RARB: variants seen among roughly 807,000 people sequenced by gnomAD.
RARB encodes retinoic acid receptor beta.
RARB carries 17 observed loss-of-function variants against 51.9 expected under a neutral mutation model. The ratio of observed to expected loss-of-function variants is 0.33; its 90% CI spans 0.22 to 0.49. RARB has a LOEUF of 0.49. Among genes scored for constraint, RARB ranks in the 20% least tolerant of loss-of-function variants. The pLI is 0.99. For missense variants in RARB, 369 were observed against 550.8 expected (o/e 0.67, Z 3.30); for synonymous variants, 215 against 195.4 (o/e 1.10, Z -0.84).
chr3:25,152,658 C>A (rs897635947), intron 4 of RARB, among the ~76,000 whole-genome samples: 1 of 152,048 alleles, frequency 6.6e-6, no homozygotes, highest in South Asian at 2.1e-4. Flanking sequence ...CACAGTAATA[C>A]AACCAGCCTG....
chr3:25,114,526 A>G (rs1210610643), intron 3 of RARB, among the ~76,000 whole-genome samples: 1 of 152,218 alleles, frequency 6.6e-6, no homozygotes, highest in Non-Finnish European at 1.5e-5. Flanking sequence ...TACCGATTGT[A>G]AGAAAAACTT....
At chr3:25,449,252 C>G (rs1228934878) in intron 1 of RARB, among the ~76,000 whole-genome samples, 1 of 152,042 alleles carries the variant, frequency 6.6e-6, no homozygotes, top group East Asian at 1.9e-4. Context: ...CTGCCATTCT[C>G]CCTGCTGAGG....
chr3:25,155,481 C>T (rs1057226940), intron 4 of RARB, among the ~76,000 whole-genome samples: 5 of 152,104 alleles, frequency 3.3e-5, no homozygotes, highest in African/African-American at 1.2e-4. Flanking sequence ...ATAAACTATC[C>T]GTTTATGAAA....
rs536914934 is a variant in RARB, at chr3:25,381,904, T to C, written c.179-79289T>C. On this transcript the variant is annotated intron_variant, in intron 5 of 11. Transcript: ENST00000383772. ...CACTGTGGTGTGGATATCCCCTCTC[T>C]ACTCTCAAGCTGCATTCAGAATATA... is the stretch of plus-strand genomic sequence containing the variant. 3.3e-5 allele frequency among the ~76,000 whole-genome samples: 5 copies of C among 152,292 alleles called. No individual in the cohort carries two copies. In the South Asian group the frequency reaches 1.0e-3, roughly 32 times the overall value.
At chr3:25,377,231 G>C (rs577526572) in intron 5 of RARB, among the ~76,000 whole-genome samples, 1 of 152,118 alleles carries the variant, frequency 6.6e-6, no homozygotes, top group Non-Finnish European at 1.5e-5. Context: ...GGTATTCCTG[G>C]ACTTTGTCTA....
intron 2 of RARB, among the ~76,000 whole-genome samples, chr3:24,989,061 G>T (rs1696856379): frequency 6.6e-6 from 1 of 151,980 alleles, no homozygotes; most frequent in African/African-American, 2.4e-5. Flanking sequence ...CCTGACCTTT[G>T]GTAATCTGCC....
chr3:25,591,027 A>C (rs1304842433), intron 5 of RARB, among the ~76,000 whole-genome samples: 1 of 152,208 alleles, frequency 6.6e-6, no homozygotes, highest in Non-Finnish European at 1.5e-5. Context: ...TTCATACCCC[A>C]TCAGTTACCA....
At chr3:24,994,635 C>T (rs1365300532) in intron 2 of RARB, among the ~76,000 whole-genome samples, 1 of 151,946 alleles carries the variant, frequency 6.6e-6, no homozygotes, top group Non-Finnish European at 1.5e-5. Context: ...TCGGGTACCA[C>T]ATGTAGGTAT....
chr3:25,320,994 G>A (rs963166044), intron 5 of RARB, among the ~76,000 whole-genome samples: 11 of 152,128 alleles, frequency 7.2e-5, no homozygotes, highest in Admixed American at 7.2e-4. Context: ...ATCCTTCTTT[G>A]AATTATAGGC....
chr3:25,188,742 G>GT (rs1290515378), intron 5 of RARB, among the ~76,000 whole-genome samples: 1 of 61,516 alleles, frequency 1.6e-5, no homozygotes, highest in East Asian at 4.7e-4. Context: ...ACATCATCTT[G>GT]TTTTTTACCC....
At chr3:25,215,306 T>G (rs1441597637) in intron 5 of RARB, among the ~76,000 whole-genome samples, 1 of 152,188 alleles carries the variant, frequency 6.6e-6, no homozygotes, top group Non-Finnish European at 1.5e-5. Context: ...TAATGTGACT[T>G]TTTTTTAAGA....
At chr3:25,292,674 T>C (rs1294083667) in intron 5 of RARB, among the ~76,000 whole-genome samples, 2 of 152,096 alleles carry the variant, frequency 1.3e-5, no homozygotes, top group African/African-American at 4.8e-5. Context: ...GAAACCAAAG[T>C]CTCCAGAAGC....
At chr3:24,884,053 TTG>T (rs1286364889) in intron 2 of RARB, among the ~76,000 whole-genome samples, 3 of 152,166 alleles carry the variant, frequency 2.0e-5, no homozygotes, top group Admixed American at 6.5e-5. Context: ...AACGATTTTG[TTG>T]TGTTTAATGC....
chr3:25,440,917 C>T (rs1272267889), intron 1 of RARB, among the ~76,000 whole-genome samples: 1 of 152,080 alleles, frequency 6.6e-6, no homozygotes, highest in Non-Finnish European at 1.5e-5. Context: ...TTTACATCCC[C>T]ACATTTATAT....
intron 1 of RARB, among the ~76,000 whole-genome samples, chr3:25,440,645 C>T (rs953393144): frequency 1.3e-5 from 2 of 151,716 alleles, no homozygotes; most frequent in Non-Finnish European, 2.9e-5. Context: ...GTGGTGCCCG[C>T]GCCTGTAGTC....
intron 2 of RARB, among the ~76,000 whole-genome samples, chr3:24,959,647 G>T (rs565983909): frequency 6.6e-6 from 1 of 152,180 alleles, no homozygotes; most frequent in Non-Finnish European, 1.5e-5. Context: ...GCCCTTTTCC[G>T]TCTAGAATTC....
intron 2 of RARB, among the ~76,000 whole-genome samples, chr3:24,967,877 C>A (rs1425896621): frequency 6.6e-6 from 1 of 152,106 alleles, no homozygotes; most frequent in Non-Finnish European, 1.5e-5. Flanking sequence ...GAATGACTTT[C>A]CAATTGTAAT....
intron 5 of RARB, among the ~76,000 whole-genome samples, chr3:25,327,257 T>G (rs1704747999): frequency 6.6e-6 from 1 of 152,072 alleles, no homozygotes; most frequent in African/African-American, 2.4e-5. Flanking sequence ...TCCTGAGAAC[T>G]GAAGAATACA....
Position 25,146,492 on chromosome 3 carries a change from G to GTTTTTTTTTTTT in RARB, c.-280+14290_-280+14291insTTTTTTTTTTTT, listed in dbSNP as rs751190061. ...CAGCCTGCAGGCTATAATTTGCTAA[G>GTTTTTTTTTTTT]TTTTTTGTTTGTTTGTTTGTTTTTT... On this transcript the variant is annotated intron_variant, in intron 4 of 11. Coordinates refer to the RARB transcript ENST00000383772. Among the ~76,000 whole-genome samples the GTTTTTTTTTTTT allele has an allele frequency of 5.5e-5, 7 of 126,252 alleles. 1 individual carries two copies. The highest frequency in any genetic ancestry group is 1.0e-4 in the Non-Finnish European group (6 of 58,980). The allele number at this position is 126,252 out of a possible 152,430, so 82.8% of individuals were successfully genotyped here.
Sources: allele counts gnomAD v4.1 joint callset (sites outside exome capture counted in the v4.1 genomes callset), GRCh38; gene constraint gnomAD v4.1.1; transcripts MANE v1.5; gene names NCBI Gene and HGNC (gene_info 2026-07-23, HGNC 2026-07-21).